SSBP3: variants seen among roughly 807,000 people sequenced by gnomAD.
SSBP3 encodes the protein single-stranded DNA-binding protein 3.
A neutral mutation model predicts 69.6 loss-of-function variants in SSBP3; 5 were observed. The ratio of observed to expected loss-of-function variants is 0.07; its 90% CI spans 0.04 to 0.15. SSBP3 has a LOEUF of 0.15. SSBP3 is among the 10% of genes least tolerant of loss of function. SSBP3 has a pLI of 1.00. For missense variants in SSBP3, 312 were observed against 534.0 expected, an observed-to-expected ratio of 0.58 and a Z score of 4.10; for synonymous variants, 196 against 193.4, an observed-to-expected ratio of 1.01 and a Z score of -0.11.
At chr1:54,320,844 G>C (rs1167180923) in intron 4 of SSBP3, among the ~76,000 whole-genome samples, 1 of 152,222 alleles carries the variant, frequency 6.6e-6, no homozygotes, top group Admixed American at 6.5e-5. Flanking sequence ...AACTAGAACA[G>C]TGCCTGGCAT....
Position 54,348,508 on chromosome 1 carries a change from C to T in SSBP3, c.276+53353G>A, listed in dbSNP as rs533550465. Among the ~76,000 whole-genome samples the T allele has an allele frequency of 1.6e-3, 237 of 152,316 alleles. 3 individuals carry two copies. The highest frequency in any genetic ancestry group is 5.6e-3 in the African/African-American group (232 of 41,560). On this transcript the variant is annotated intron_variant, in intron 4 of 17. Transcript: ENST00000610401. ...CCCAGAGCACTGGCTACCCACACAG[C>T]TGCCGCACTTCAAGCTCCCACAGTG...
rs553921290 is a variant in SSBP3, at chr1:54,341,776, G to A, written c.276+60085C>T. Among the ~76,000 whole-genome samples the A allele has an allele frequency of 1.4e-3, 215 of 152,092 alleles. 1 individual carries two copies. The highest frequency in any genetic ancestry group is 4.7e-3 in the African/African-American group (195 of 41,484). ...TGACAGGAGGCCTGACCCAGCCAGC[G>A]GGCCGGACAGGGTCCCTAGGAAGTA... On this transcript the variant is annotated intron_variant, in intron 4 of 17. Transcript: ENST00000610401.
At position 54,316,685 on chromosome 1, in the gene SSBP3, TAAATAAATAAATAAATAAATAAATA is replaced by T. The variant is rs1557525562; in HGVS notation, c.277-35183_277-35159del. Among the ~76,000 whole-genome samples the T allele has an allele frequency of 5.8e-5, 7 of 121,508 alleles. 1 individual carries two copies. Among genetic ancestry groups the T allele is most frequent in the African/African-American group, 2.6e-4 (6 of 23,234 alleles). 79.7% of individuals were successfully genotyped at this position (121,508 alleles called of 152,430 possible). A position where few individuals can be genotyped will look rare whatever the true frequency, so the allele number is the denominator to read the frequency against. On this transcript the variant is annotated intron_variant, in intron 4 of 17. Coordinates refer to ENST00000610401, the Ensembl canonical transcript of SSBP3. ...TAAAATAAATAAATAAATAAATAAA[TAAATAAATAAATAAATAAATAAATA>T]AAATAAAATAAAATAAAATAAAAAT...
intron 1 of SSBP3, among the ~76,000 whole-genome samples, chr1:54,411,891 CAAAAAA>C (rs71066917): frequency 1.1e-5 from 1 of 88,022 alleles, no homozygotes. Context: ...GACTCCGTCT[CAAAAAA>C]AAAAAAAAAA....
intron 4 of SSBP3, among the ~76,000 whole-genome samples, chr1:54,311,806 T>C (rs773444248): frequency 6.6e-6 from 1 of 152,120 alleles, no homozygotes; most frequent in Non-Finnish European, 1.5e-5. Context: ...GGAGGTGGCA[T>C]GTAGAAATAG....
Position 54,346,955 on chromosome 1 carries a change from C to T in SSBP3, c.276+54906G>A, listed in dbSNP as rs554098208. On this transcript the variant is annotated intron_variant, in intron 4 of 17. Coordinates refer to ENST00000610401, the Ensembl canonical transcript of SSBP3. ...GTCCTTTACATAAAATGGCAGAGTGCACACACATCCTCCCATATACATTTT... is the reference window on the plus strand; with the variant it reads ...GTCCTTTACATAAAATGGCAGAGTGTACACACATCCTCCCATATACATTTT... 3.3e-5 allele frequency among the ~76,000 whole-genome samples: 5 copies of T among 152,098 alleles called. No individual in the cohort carries two copies. In the East Asian group the frequency reaches 9.7e-4, roughly 29 times the overall value.
chr1:54,338,674 A>G (rs935380539), intron 4 of SSBP3, among the ~76,000 whole-genome samples: 1 of 152,254 alleles, frequency 6.6e-6, no homozygotes, highest in African/African-American at 2.4e-5. Context: ...AGCCGAGGCT[A>G]AACAGGGACC....
At chr1:54,280,468 T>C (rs971070271) in intron 5 of SSBP3, among the ~76,000 whole-genome samples, 4 of 152,220 alleles carry the variant, frequency 2.6e-5, no homozygotes, top group Admixed American at 2.0e-4. Context: ...AGGAAATTTC[T>C]GCCTCCTTTT....
At chr1:54,392,822 G>A (rs1008678718) in intron 4 of SSBP3, among the ~76,000 whole-genome samples, 1 of 152,210 alleles carries the variant, frequency 6.6e-6, no homozygotes, top group African/African-American at 2.4e-5. Flanking sequence ...AAAGGGGAAG[G>A]AAGAGACACA....
At chr1:54,399,306 A>C (rs999468265) in intron 4 of SSBP3, among the ~76,000 whole-genome samples, 2 of 152,250 alleles carry the variant, frequency 1.3e-5, no homozygotes, top group African/African-American at 4.8e-5. Context: ...TGGTGTTAGA[A>C]ACACCCATTC....
intron 4 of SSBP3, chr1:54,287,284 C>A (rs887798137): frequency 6.6e-6 from 1 of 152,146 alleles, no homozygotes; most frequent in African/African-American, 2.4e-5. Context: ...TCTGCAAATC[C>A]CCTCCCCTCC....
intron 5 of SSBP3, among the ~76,000 whole-genome samples, chr1:54,280,837 C>A (rs1645378997): frequency 6.6e-6 from 1 of 152,144 alleles, no homozygotes; most frequent in South Asian, 2.1e-4. Flanking sequence ...AGACTCTCGA[C>A]CCACGTGGGA....
intron 4 of SSBP3, among the ~76,000 whole-genome samples, chr1:54,312,131 G>A (rs928324252): frequency 3.9e-5 from 6 of 152,184 alleles, no homozygotes; most frequent in African/African-American, 1.4e-4. Context: ...TGGGATGTGT[G>A]TTAAAGAATA....
intron 14 of SSBP3, chr1:54,238,394 A>G: frequency 2.2e-6 from 1 of 460,954 alleles, no homozygotes; most frequent in South Asian, 1.6e-5. Flanking sequence ...AAGGCTGAAC[A>G]GGTTCACCTG....
At chr1:54,404,190 G>C (rs1413060332) in intron 3 of SSBP3, among the ~76,000 whole-genome samples, 1 of 152,112 alleles carries the variant, frequency 6.6e-6, no homozygotes, top group Admixed American at 6.6e-5. Context: ...GAAGGGACAG[G>C]CTAGTTGTAA....
chr1:54,270,481 G>A (rs1220751932), intron 5 of SSBP3, among the ~76,000 whole-genome samples: 2 of 152,208 alleles, frequency 1.3e-5, no homozygotes, highest in Non-Finnish European at 2.9e-5. Flanking sequence ...AACAGGGCCT[G>A]GTGCTTAGGT....
intron 4 of SSBP3, among the ~76,000 whole-genome samples, chr1:54,295,673 G>A (rs974065379): frequency 6.6e-6 from 1 of 152,096 alleles, no homozygotes; most frequent in Non-Finnish European, 1.5e-5. Flanking sequence ...ATAATGAAAG[G>A]GCTGTGATCT....
chr1:54,245,471 A>C (rs369439670), intron 9 of SSBP3, among the ~76,000 whole-genome samples: 1 of 152,228 alleles, frequency 6.6e-6, no homozygotes, highest in African/African-American at 2.4e-5. Flanking sequence ...TGACACACAC[A>C]GAGCCAATAT....
chr1:54,234,258 CTTGT>C (rs566924610), intron 14 of SSBP3, among the ~76,000 whole-genome samples: 1,944 of 149,402 alleles, frequency 0.013, 28 homozygotes, highest in Non-Finnish European at 0.023. Context: ...CCTTTGTTCA[CTTGT>C]TTATCTGCTG....
Sources: gnomAD v4.1 joint callset for allele counts (sites outside exome capture counted in the v4.1 genomes callset) on GRCh38, gnomAD v4.1.1 for gene constraint, MANE v1.5 for transcripts, NCBI Gene and HGNC (gene_info 2026-07-23, HGNC 2026-07-21) for gene names.